The following CSNK2A2IP variants were observed in gnomAD, a reference collection of about 807,000 sequenced individuals.
CSNK2A2IP encodes the protein casein kinase 2 subunit alpha' interacting protein.
chr3:88,339,895 T>G, the CSNK2A2IP span, among the ~76,000 whole-genome samples: 1 of 152,158 alleles, frequency 6.6e-6, no homozygotes, highest in South Asian at 2.1e-4. Context: ...GTTTTTGTTT[T>G]CTTTTCATTG....
chr3:88,403,056 T>C, the CSNK2A2IP span, among the ~76,000 whole-genome samples: 1 of 152,096 alleles, frequency 6.6e-6, no homozygotes, highest in Admixed American at 6.6e-5. Context: ...GTGGTTTTAA[T>C]TTGGCTTATT....
the CSNK2A2IP span, among the ~76,000 whole-genome samples, chr3:88,394,057 G>T: frequency 1.3e-5 from 2 of 152,124 alleles, no homozygotes; most frequent in Non-Finnish European, 2.9e-5. Flanking sequence ...GGGATATGGT[G>T]TTCTCAGTAG....
the CSNK2A2IP span, among the ~76,000 whole-genome samples, chr3:88,400,899 G>A: frequency 6.6e-6 from 1 of 152,264 alleles, no homozygotes; most frequent in African/African-American, 2.4e-5. Context: ...ATGATGCAGA[G>A]GGAGAAAAGC....
At chr3:88,427,249 G>A in the CSNK2A2IP span, among the ~76,000 whole-genome samples, 2 of 152,146 alleles carry the variant, frequency 1.3e-5, no homozygotes, top group Non-Finnish European at 2.9e-5. Context: ...AGAGATCTGT[G>A]GAAATTTGAA....
the CSNK2A2IP span, among the ~76,000 whole-genome samples, chr3:88,381,117 T>C: frequency 6.6e-6 from 1 of 152,204 alleles, no homozygotes; most frequent in Non-Finnish European, 1.5e-5. Flanking sequence ...CTTGCACTTA[T>C]GCCAAGTTAG....
chr3:88,422,123 C>T, the CSNK2A2IP span, among the ~76,000 whole-genome samples: 1 of 152,116 alleles, frequency 6.6e-6, no homozygotes, highest in African/African-American at 2.4e-5. Context: ...TGGCAAAAAA[C>T]TTTTATTAGA....
At chr3:88,380,244 T>C in the CSNK2A2IP span, among the ~76,000 whole-genome samples, 1 of 151,962 alleles carries the variant, frequency 6.6e-6, no homozygotes, top group East Asian at 1.9e-4. Context: ...GGTAAATCAC[T>C]CCATTTAGGC....
At chr3:88,390,486 G>A in the CSNK2A2IP span, among the ~76,000 whole-genome samples, 3 of 152,136 alleles carry the variant, frequency 2.0e-5, no homozygotes, top group African/African-American at 4.8e-5. Flanking sequence ...TCATTAAGCC[G>A]ATAACTCAAC....
chr3:88,399,670 CCG>C, the CSNK2A2IP span: 1 of 152,194 alleles, frequency 6.6e-6, no homozygotes. Flanking sequence ...ACTTCTTCCT[CCG>C]CAAACTAAAG....
the CSNK2A2IP span, among the ~76,000 whole-genome samples, chr3:88,447,753 T>A: frequency 0.019 from 2,965 of 152,260 alleles, 47 homozygotes; most frequent in Non-Finnish European, 0.03. Flanking sequence ...TTATTTTCTA[T>A]GTCTTCTACT....
the CSNK2A2IP span, chr3:88,466,545 C>G: frequency 2.4e-6 from 3 of 1,231,642 alleles, no homozygotes; most frequent in Admixed American, 1.3e-4. Flanking sequence ...AGAGTAAAAG[C>G]AGCTTTCAGT....
At chr3:88,451,591 T>C in the CSNK2A2IP span, among the ~76,000 whole-genome samples, 1 of 151,980 alleles carries the variant, frequency 6.6e-6, no homozygotes. Flanking sequence ...CCTAGACATT[T>C]ATAAATTTTT....
At chr3:88,411,625 A>G in the CSNK2A2IP span, among the ~76,000 whole-genome samples, 1 of 151,914 alleles carries the variant, frequency 6.6e-6, no homozygotes, top group Non-Finnish European at 1.5e-5. Context: ...TTTAAAGCTG[A>G]TAATTCAGTT....
chr3:88,438,642 C>T, the CSNK2A2IP span, among the ~76,000 whole-genome samples: 2 of 152,144 alleles, frequency 1.3e-5, no homozygotes, highest in African/African-American at 4.8e-5. Flanking sequence ...CAGGCTTCTC[C>T]ACTAATTCTG....
chr3:88,423,545 G>T, the CSNK2A2IP span, among the ~76,000 whole-genome samples: 1 of 152,072 alleles, frequency 6.6e-6, no homozygotes, highest in Non-Finnish European at 1.5e-5. Flanking sequence ...AGCAGAACAG[G>T]TCCTTGTAGC....
the CSNK2A2IP span, among the ~76,000 whole-genome samples, chr3:88,456,264 G>A: frequency 6.6e-6 from 1 of 151,930 alleles, no homozygotes; most frequent in South Asian, 2.1e-4. Flanking sequence ...GGTTCCAGTG[G>A]ATTTGTAGAT....
the CSNK2A2IP span, among the ~76,000 whole-genome samples, chr3:88,386,190 T>A: frequency 1.3e-5 from 2 of 152,138 alleles, no homozygotes; most frequent in Non-Finnish European, 2.9e-5. Context: ...AATGGCGTGA[T>A]CTCGGTTTAC....
At chr3:88,350,704 A>G in the CSNK2A2IP span, among the ~76,000 whole-genome samples, 1 of 152,164 alleles carries the variant, frequency 6.6e-6, no homozygotes, top group African/African-American at 2.4e-5. Context: ...ACAAATTACA[A>G]CAAATAACCA....
the CSNK2A2IP span, among the ~76,000 whole-genome samples, chr3:88,418,460 G>GTA: frequency 7.9e-6 from 1 of 126,878 alleles, no homozygotes; most frequent in Non-Finnish European, 1.7e-5. Flanking sequence ...GTGTGTGTGT[G>GTA]TGTGCGCGCG....
Sources: allele counts gnomAD v4.1 joint callset (sites outside exome capture counted in the v4.1 genomes callset), GRCh38; gene constraint gnomAD v4.1.1; transcripts MANE v1.5; gene names NCBI Gene and HGNC (gene_info 2026-07-23, HGNC 2026-07-21).